RERE: variants seen among roughly 807,000 people sequenced by gnomAD.
RERE encodes the protein arginine-glutamic acid dipeptide repeats protein.
Under a neutral mutation model 146.1 loss-of-function variants are expected in RERE, and 40 were observed. That is an observed-to-expected ratio of 0.27 (90% CI 0.21 to 0.36). The LOEUF (loss-of-function observed/expected upper bound fraction) is 0.36. RERE is among the 10% of genes least tolerant of loss of function. The pLI, the probability that RERE is intolerant of heterozygous loss-of-function variation, is 1.00. For synonymous variants in RERE, 1,003 were observed against 866.0 expected, an observed-to-expected ratio of 1.16 and a Z score of -2.78; for missense variants, 1,933 against 2,138.7, an observed-to-expected ratio of 0.90 and a Z score of 1.90.
At chr1:8,357,556 C>T (rs1312153549) in intron 20 of RERE, among the ~76,000 whole-genome samples, 2 of 152,230 alleles carry the variant, frequency 1.3e-5, no homozygotes, top group South Asian at 4.1e-4. Flanking sequence ...CCTGCCTCCT[C>T]GTAAGCACAG....
intron 1 of RERE, among the ~76,000 whole-genome samples, chr1:8,728,577 T>C (rs7518204): frequency 0.85 from 128,851 of 152,132 alleles, 54,756 homozygotes; most frequent in East Asian, 0.95. Context: ...CACAGTTATT[T>C]GAGATCAGCA....
chr1:8,509,059 T>C (rs1645295031), intron 7 of RERE, among the ~76,000 whole-genome samples: 1 of 152,154 alleles, frequency 6.6e-6, no homozygotes, highest in South Asian at 2.1e-4. Context: ...GGATTTCAGG[T>C]GCCTACCACC....
At chr1:8,753,793 A>C (rs535290060) in intron 1 of RERE, 5 of 152,306 alleles carry the variant, frequency 3.3e-5, no homozygotes, top group Non-Finnish European at 7.4e-5. Flanking sequence ...AATAAGACCC[A>C]AAGTATGTAA....
At chr1:8,471,266 A>G (rs1922983) in intron 10 of RERE, among the ~76,000 whole-genome samples, 95,626 of 151,926 alleles carry the variant, frequency 0.63, 30,487 homozygotes, top group East Asian at 0.83. Flanking sequence ...TGAGTGCTCA[A>G]CTATGCCAGG....
intron 1 of RERE, among the ~76,000 whole-genome samples, chr1:8,728,370 C>T (rs1640013252): frequency 6.6e-6 from 1 of 152,000 alleles, no homozygotes; most frequent in Non-Finnish European, 1.5e-5. Flanking sequence ...TTACCATGCA[C>T]CACTGGTAGT....
At chr1:8,406,704 T>G (rs1643448567) in intron 12 of RERE, among the ~76,000 whole-genome samples, 1 of 152,168 alleles carries the variant, frequency 6.6e-6, no homozygotes, top group Non-Finnish European at 1.5e-5. Context: ...CAAAATAAAT[T>G]TGTGTGTATC....
intron 7 of RERE, among the ~76,000 whole-genome samples, chr1:8,535,806 G>A (rs181866456): frequency 2.4e-4 from 36 of 152,146 alleles, no homozygotes; most frequent in Admixed American, 1.8e-3. Context: ...GGAGAAAAGC[G>A]GACAGCCTGC....
rs1320949285 is a variant in RERE at position 8,479,234 on chromosome 1, TTAAA to T, written c.1105-13215_1105-13212del. ...CCCCTGTCTCTACAAAAAAATTTTTTTAAATAAATAAAAATAAGCAAGTCACAAC... is the reference window on the plus strand; with the variant it reads ...CCCCTGTCTCTACAAAAAAATTTTTTTAAATAAAAATAAGCAAGTCACAAC... On this transcript the variant is annotated intron_variant, in intron 10 of 22. Coordinates refer to ENST00000400908, the MANE Select transcript of RERE (RefSeq NM_001042681.2). 4.6e-5 allele frequency among the ~76,000 whole-genome samples: 7 copies of T among 152,036 alleles called. No individual in the cohort carries two copies. The South Asian group carries it at 1.5e-3, about 32-fold the overall frequency.
At chr1:8,387,241 A>G (rs970404814) in intron 12 of RERE, among the ~76,000 whole-genome samples, 1 of 152,258 alleles carries the variant, frequency 6.6e-6, no homozygotes, top group Non-Finnish European at 1.5e-5. Context: ...ACTTCTCCAG[A>G]GATGACACTG....
Position 8,360,279 on chromosome 1 carries a change from T to A in RERE, c.3228A>T (p.Ser1076=), listed in dbSNP as rs1405127741. ...ACGACCCCCCCGCTATGCTGCCTCC[T>A]GAAGCCGCCGCACCAGAGCAGGGTG... ...AQPPCSGAAA[S]GGSIAGGSSC... is the part of the protein sequence containing the mutation. The change falls in exon 18 of 23, where the codon TCA becomes TCT. Residue 1076 remains serine, a synonymous_variant. Coordinates refer to ENST00000400908, the MANE Select transcript of RERE (RefSeq NM_001042681.2). The A allele has an allele frequency of 1.3e-6, 2 of 1,562,804 alleles. No homozygotes were observed. The highest frequency in any genetic ancestry group is 1.7e-6 in the Non-Finnish European group (2 of 1,154,874).
At chr1:8,575,553 ATATATATAT>A (rs1158572923) in intron 4 of RERE, among the ~76,000 whole-genome samples, 4 of 66,338 alleles carry the variant, frequency 6.0e-5, no homozygotes, top group Non-Finnish European at 8.8e-5. Context: ...ATATATATAT[ATATATATAT>A]TTTTTTTTTT....
chr1:8,758,723 G>C (rs990062476), intron 1 of RERE, among the ~76,000 whole-genome samples: 2 of 151,882 alleles, frequency 1.3e-5, no homozygotes, highest in East Asian at 3.8e-4. Flanking sequence ...GGGGAAATGT[G>C]AGTCAAAGGA....
At chr1:8,472,353 C>A (rs1466367046) in intron 10 of RERE, among the ~76,000 whole-genome samples, 1 of 152,168 alleles carries the variant, frequency 6.6e-6, no homozygotes, top group Non-Finnish European at 1.5e-5. Context: ...CTGATCACGA[C>A]CACACAGCTA....
At chr1:8,384,245 C>T (rs991934214) in intron 12 of RERE, among the ~76,000 whole-genome samples, 21 of 152,172 alleles carry the variant, frequency 1.4e-4, no homozygotes, top group African/African-American at 5.1e-4. Context: ...AGCTGGGATG[C>T]ACGGAGGTCC....
chr1:8,395,598 G>C (rs1044998572), intron 12 of RERE, among the ~76,000 whole-genome samples: 5 of 151,968 alleles, frequency 3.3e-5, no homozygotes, highest in Admixed American at 3.3e-4. Flanking sequence ...AAAAAAAAAA[G>C]GTGAAGGTGA....
chr1:8,645,691 T>C (rs1442922041), intron 2 of RERE, among the ~76,000 whole-genome samples: 1 of 152,192 alleles, frequency 6.6e-6, no homozygotes, highest in Non-Finnish European at 1.5e-5. Flanking sequence ...ACAGGTTTCA[T>C]GATACTTAAT....
intron 10 of RERE, among the ~76,000 whole-genome samples, chr1:8,490,156 G>A (rs1186985778): frequency 6.6e-6 from 1 of 151,702 alleles, no homozygotes; most frequent in East Asian, 1.9e-4. Flanking sequence ...AGGTCAAGAG[G>A]TCAAGACCAT....
At chr1:8,776,442 T>C (rs1051461073) in intron 1 of RERE, among the ~76,000 whole-genome samples, 1 of 152,102 alleles carries the variant, frequency 6.6e-6, no homozygotes, top group African/African-American at 2.4e-5. Context: ...GGACTACAGG[T>C]GCACGCCATC....
At chr1:8,509,378 T>C (rs1382781454) in intron 7 of RERE, among the ~76,000 whole-genome samples, 1 of 151,950 alleles carries the variant, frequency 6.6e-6, no homozygotes, top group African/African-American at 2.4e-5. Flanking sequence ...ATAAGAAAAC[T>C]TATCCTAGGA....
Sources: gnomAD v4.1 joint callset for allele counts (sites outside exome capture counted in the v4.1 genomes callset) on GRCh38, gnomAD v4.1.1 for gene constraint, MANE v1.5 for transcripts, NCBI Gene and HGNC (gene_info 2026-07-23, HGNC 2026-07-21) for gene names.